The following NSMCE2 variants were observed in gnomAD, a reference collection of about 807,000 sequenced individuals.
The protein encoded by NSMCE2 is NSE2 SUMO ligase component of SMC5/6 complex.
A neutral mutation model predicts 23.8 loss-of-function variants in NSMCE2; 24 were observed. The ratio of observed to expected loss-of-function variants is 1.01; its 90% CI spans 0.73 to 1.42. The LOEUF (loss-of-function observed/expected upper bound fraction) is 1.42. NSMCE2 is among the 40% of genes most tolerant of loss of function. The pLI is 0.00. For synonymous variants in NSMCE2, 92 were observed against 94.1 expected, an observed-to-expected ratio of 0.98 and a Z score of 0.13; for missense variants, 284 against 296.5, an observed-to-expected ratio of 0.96 and a Z score of 0.31.
intron 5 of NSMCE2, among the ~76,000 whole-genome samples, chr8:125,328,597 T>A (rs1212746400): frequency 6.6e-6 from 1 of 152,168 alleles, no homozygotes; most frequent in Admixed American, 6.5e-5. Context: ...ACTCAGGGAT[T>A]TTCAAAAATG....
intron 5 of NSMCE2, among the ~76,000 whole-genome samples, chr8:125,350,461 A>G (rs924865280): frequency 2.6e-5 from 4 of 152,204 alleles, no homozygotes; most frequent in Middle Eastern, 3.2e-3. Context: ...AGTGGGAGAC[A>G]GGACAACTGA....
intron 5 of NSMCE2, among the ~76,000 whole-genome samples, chr8:125,316,339 A>C (rs1435348200): frequency 6.6e-6 from 1 of 152,250 alleles, no homozygotes. Context: ...CAAGCAGCTA[A>C]CTGCCTTCTT....
chr8:125,198,820 G>T (rs995300822), intron 5 of NSMCE2, among the ~76,000 whole-genome samples: 1 of 152,072 alleles, frequency 6.6e-6, no homozygotes, highest in Admixed American at 6.6e-5. Context: ...CTGGTCCTGG[G>T]CTTTTTTTGG....
At chr8:125,262,687 G>C (rs1421485144) in intron 5 of NSMCE2, among the ~76,000 whole-genome samples, 1 of 151,664 alleles carries the variant, frequency 6.6e-6, no homozygotes, top group Non-Finnish European at 1.5e-5. Flanking sequence ...CATTACACTG[G>C]AAGTCTAGTT....
intron 5 of NSMCE2, among the ~76,000 whole-genome samples, chr8:125,208,728 A>G (rs1470271023): frequency 1.3e-5 from 2 of 152,224 alleles, no homozygotes; most frequent in Non-Finnish European, 2.9e-5. Flanking sequence ...ACAGAAAATG[A>G]GTCTTGAACA....
intron 5 of NSMCE2, among the ~76,000 whole-genome samples, chr8:125,215,000 C>T (rs1824511548): frequency 6.6e-6 from 1 of 151,354 alleles, no homozygotes; most frequent in South Asian, 2.1e-4. Flanking sequence ...CTACCCTCAC[C>T]TTTGGTAACC....
chr8:125,136,336 A>G (rs1363980520), intron 3 of NSMCE2, among the ~76,000 whole-genome samples: 1 of 152,212 alleles, frequency 6.6e-6, no homozygotes, highest in Non-Finnish European at 1.5e-5. Flanking sequence ...AGAAACAAAG[A>G]TTGAAATTAA....
chr8:125,179,979 A>G (rs546604521), intron 4 of NSMCE2, among the ~76,000 whole-genome samples: 23 of 152,374 alleles, frequency 1.5e-4, no homozygotes, highest in African/African-American at 2.9e-4. Context: ...ATGTCTTCCT[A>G]TAATGTTACC....
intron 5 of NSMCE2, among the ~76,000 whole-genome samples, chr8:125,250,968 A>G (rs1826178147): frequency 6.6e-6 from 1 of 152,220 alleles, no homozygotes; most frequent in Non-Finnish European, 1.5e-5. Context: ...AACATGCACA[A>G]TATGATCCTA....
chr8:125,286,498 A>G (rs1041391134), intron 5 of NSMCE2, among the ~76,000 whole-genome samples: 1 of 151,702 alleles, frequency 6.6e-6, no homozygotes, highest in Non-Finnish European at 1.5e-5. Flanking sequence ...TTTTTAGTAG[A>G]GATGGGGTGT....
At chr8:125,317,987 C>T (rs1010762887) in intron 5 of NSMCE2, among the ~76,000 whole-genome samples, 3 of 152,132 alleles carry the variant, frequency 2.0e-5, no homozygotes, top group Non-Finnish European at 2.9e-5. Context: ...TAATTTCCTG[C>T]ACAAAATCTT....
At chr8:125,216,634 CAA>C (rs35656783) in intron 5 of NSMCE2, among the ~76,000 whole-genome samples, 66 of 130,504 alleles carry the variant, frequency 5.1e-4, no homozygotes, top group Non-Finnish European at 5.5e-4. Context: ...GGCTGTGTGT[CAA>C]AAAAAAAAAA....
At chr8:125,213,198 G>T (rs1364902369) in intron 5 of NSMCE2, among the ~76,000 whole-genome samples, 2 of 152,106 alleles carry the variant, frequency 1.3e-5, no homozygotes, top group African/African-American at 4.8e-5. Flanking sequence ...ATTCTCTGTT[G>T]TGAGATTTTC....
chr8:125,325,771 G>A (rs1460525915), intron 5 of NSMCE2, among the ~76,000 whole-genome samples: 1 of 152,192 alleles, frequency 6.6e-6, no homozygotes, highest in African/African-American at 2.4e-5. Flanking sequence ...GGCCAACATG[G>A]TGAAACCCCC....
intron 5 of NSMCE2, among the ~76,000 whole-genome samples, chr8:125,267,001 TTC>T (rs1474857071): frequency 7.5e-5 from 8 of 106,938 alleles, no homozygotes; most frequent in African/African-American, 1.9e-4. Context: ...TCTTTTTTCT[TTC>T]TTTTTTTTTT....
intron 5 of NSMCE2, among the ~76,000 whole-genome samples, chr8:125,260,522 C>G (rs1237121024): frequency 6.7e-6 from 1 of 149,246 alleles, no homozygotes; most frequent in East Asian, 1.9e-4. Flanking sequence ...GACGTTGAAC[C>G]TTTCACTTTC....
At chr8:125,133,428 G>T (rs1382114062) in intron 3 of NSMCE2, among the ~76,000 whole-genome samples, 9 of 152,078 alleles carry the variant, frequency 5.9e-5, no homozygotes, top group African/African-American at 1.4e-4. Context: ...TGAAAACATT[G>T]ATTTGAAGTA....
At chr8:125,345,312 G>A (rs1304289534) in intron 5 of NSMCE2, among the ~76,000 whole-genome samples, 1 of 152,202 alleles carries the variant, frequency 6.6e-6, no homozygotes, top group East Asian at 1.9e-4. Flanking sequence ...ACGGTATAAT[G>A]TGGCTTTCTT....
chr8:125,127,929 G>C (rs1024351751), intron 3 of NSMCE2, among the ~76,000 whole-genome samples: 1 of 152,190 alleles, frequency 6.6e-6, no homozygotes, highest in African/African-American at 2.4e-5. Flanking sequence ...AACAAGGTTT[G>C]TGTTAAGTAC....
Sources: gnomAD v4.1 joint callset for allele counts (sites outside exome capture counted in the v4.1 genomes callset) on GRCh38, gnomAD v4.1.1 for gene constraint, MANE v1.5 for transcripts, NCBI Gene and HGNC (gene_info 2026-07-23, HGNC 2026-07-21) for gene names.